Variants in USP38 observed in about 807,000 individuals in gnomAD.
The protein encoded by USP38 is ubiquitin specific peptidase 38, also known as ubiquitin carboxyl-terminal hydrolase 38.
In USP38, 49 loss-of-function variants were observed where a neutral mutation model predicts 94.3. The ratio of observed to expected loss-of-function variants is 0.52; its 90% CI spans 0.41 to 0.66. The LOEUF is 0.66. Ranked by LOEUF, USP38 falls within the 30% of genes least tolerant of loss-of-function variation. USP38 has a pLI of 0.00. For synonymous variants in USP38, 468 were observed against 463.6 expected (o/e 1.01, Z -0.12); for missense variants, 1,128 against 1,229.4 (o/e 0.92, Z 1.23).
In USP38 at chr4:143,214,913, T is replaced by G; in HGVS notation, c.2937T>G (p.Ala979=). The change falls in exon 9 of 10, where the codon GCT becomes GCG. Residue 979 remains alanine (A), a synonymous_variant. Coordinates refer to ENST00000307017, the MANE Select transcript of USP38 (RefSeq NM_032557.6). ...CTCTACAGAAAGAACTTATGGATGC[T>G]ATAACAAAAGACAATAAACTATATT... ...DPPLQKELMD[A]ITKDNKLYLQ... is the part of the protein sequence containing the mutation. 6.2e-7 allele frequency: 1 copy of G among 1,612,736 alleles called. No homozygotes were observed. The highest frequency in any genetic ancestry group is 1.1e-5 in the South Asian group (1 of 90,876).
At chr4:143,189,538 G>A (rs1731333609) in intron 2 of USP38, among the ~76,000 whole-genome samples, 1 of 151,854 alleles carries the variant, frequency 6.6e-6, no homozygotes, top group African/African-American at 2.4e-5. Context: ...CAAACTCTGG[G>A]GACTTTGATT....
intron 1 of USP38, 81 bp downstream of exon 1, chr4:143,186,213 TC>T: frequency 7.1e-7 from 1 of 1,416,218 alleles, no homozygotes; most frequent in Non-Finnish European, 9.7e-7. Flanking sequence ...CACCATGTTT[TC>T]CTCCTGCCCT....
At position 143,215,926 on chromosome 4, in the gene USP38, AT is replaced by A. The variant is rs1732172592; in HGVS notation, c.2967+985del. Among the ~76,000 whole-genome samples, 4 of 152,172 alleles carry A rather than the reference AT, an allele frequency of 2.6e-5. No homozygotes were observed. In the South Asian group the frequency reaches 8.3e-4, roughly 31 times the overall value. On this transcript the variant is annotated intron_variant, in intron 9 of 9. Coordinates refer to ENST00000307017, the MANE Select transcript of USP38 (RefSeq NM_032557.6). The stretch of plus-strand genomic sequence containing the variant: ...AAAATCAGAATATTTGTTTGAACTG[AT>A]TAACTACTGAAGACTCTAACATCTA...
chr4:143,215,266 A>C, intron 9 of USP38: 1 of 271,996 alleles, frequency 3.7e-6, no homozygotes, highest in Non-Finnish European at 7.0e-6. Flanking sequence ...AGCCTCACCC[A>C]CCAGAGGAAA....
Position 143,186,020 on chromosome 4 carries a change from A to C in USP38, c.570A>C (p.Glu190Asp). ...CCACCCAGGAAAGAGAGCTGCGGGA[A>C]TATGTCTCCCAGGTGACAAAAGTGA... The part of the protein sequence containing the change: ...CVSTQERELR[E>D]YVSQVTKVSN... The change falls in exon 1 of 10, where the codon GAA (glutamate) becomes GAC (aspartate). Residue 190 changes from glutamate (E) to aspartate (D), a missense_variant. By Grantham distance (45) the Glu-to-Asp change is conservative (BLOSUM62 2). Transcript: ENST00000307017. 6.2e-7 allele frequency: 1 copy of C among 1,614,210 alleles called. No homozygotes were observed. Among genetic ancestry groups the C allele is most frequent in the Non-Finnish European group, 8.5e-7 (1 of 1,180,042 alleles).
intron 9 of USP38, among the ~76,000 whole-genome samples, chr4:143,217,815 C>A (rs373037170): frequency 3.5e-4 from 53 of 152,270 alleles, no homozygotes; most frequent in African/African-American, 1.2e-3. Flanking sequence ...CCATTCTCTA[C>A]TCTGTGTATC....
In USP38 at chr4:143,214,846, GTAA is replaced by G. The variant is rs1560674661; in HGVS notation, c.2874_2876del (p.Asn959del). On this transcript the variant is annotated inframe_deletion, in exon 9 of 10. Transcript: ENST00000307017. ...CAGCATAGTACTAATGGTTTAAGTG[GTAA>G]TAACCCAACCAGTGGACTCTGGATA... 1.2e-6 allele frequency: 2 copies of G among 1,613,566 alleles called. No homozygotes were observed. Among genetic ancestry groups the G allele is most frequent in the East Asian group, 4.5e-5 (2 of 44,848 alleles).
chr4:143,189,822 C>T (rs182584302), intron 2 of USP38, among the ~76,000 whole-genome samples: 368 of 152,038 alleles, frequency 2.4e-3, no homozygotes, highest in Middle Eastern at 6.8e-3. Flanking sequence ...GTTTGATAAT[C>T]TGTATTTTTA....
At chr4:143,198,027 C>T (rs1035784612) in intron 4 of USP38, 103 bp downstream of exon 4, 14 of 714,634 alleles carry the variant, frequency 2.0e-5, no homozygotes, top group Admixed American at 1.8e-4. Context: ...GCAAGTTAGT[C>T]CCAAATCTGT....
intron 2 of USP38, among the ~76,000 whole-genome samples, chr4:143,189,832 A>G (rs1213971568): frequency 6.6e-6 from 1 of 151,464 alleles, no homozygotes; most frequent in African/African-American, 2.4e-5. Context: ...CTGTATTTTT[A>G]TTCTCATCTC....
In USP38 at chr4:143,185,055, TGACCCG is replaced by T. The variant is rs1187930532; in HGVS notation, c.-393_-388del. 5.4e-6 allele frequency: 1 copy of T among 184,150 alleles called. No individual in the cohort carries two copies. The highest frequency in any genetic ancestry group is 1.7e-4 in the East Asian group (1 of 5,814). 11.4% of individuals were successfully genotyped at this position (184,150 alleles called of 1,614,324 possible). ...CTGCTGGAGACTGGACGCCCACACC[TGACCCG>T]GAACTCGGAGGCGTGCTTCCTCCAC... is the stretch of plus-strand genomic sequence containing the variant. On this transcript the variant is annotated 5_prime_UTR_variant, in exon 1 of 10. Coordinates refer to ENST00000307017, the MANE Select transcript of USP38 (RefSeq NM_032557.6).
Position 143,222,835 on chromosome 4 carries a change from T to G in USP38, c.*2379T>G, listed in dbSNP as rs1732357116. On this transcript the variant is annotated 3_prime_UTR_variant, in exon 10 of 10. Coordinates refer to ENST00000307017, the MANE Select transcript of USP38 (RefSeq NM_032557.6). Reference sequence around the variant, plus strand: ...AGATCCCTGTTAATTACAGATTTATTTGTCATATTAGGTCTTTTCTTTCTC... The same window carrying G: ...AGATCCCTGTTAATTACAGATTTATGTGTCATATTAGGTCTTTTCTTTCTC... 1 of 152,108 alleles carries G rather than the reference T, an allele frequency of 6.6e-6. No individual in the cohort carries two copies. The highest frequency in any genetic ancestry group is 1.9e-4 in the East Asian group (1 of 5,190). The allele number at this position is 152,108 out of a possible 1,614,324, so 9.4% of individuals were successfully genotyped here. A position where few individuals can be genotyped will look rare whatever the true frequency, so the allele number is the denominator to read the frequency against.
chr4:143,187,778 C>T, intron 1 of USP38, 48 bp from the exon 2 acceptor site: 3 of 1,544,160 alleles, frequency 1.9e-6, no homozygotes, highest in Non-Finnish European at 2.6e-6. Flanking sequence ...TTTTTAAATA[C>T]TTGAACCTAC....
intron 4 of USP38, among the ~76,000 whole-genome samples, chr4:143,200,711 C>T (rs536855801): frequency 1.5e-4 from 23 of 152,286 alleles, no homozygotes; most frequent in African/African-American, 4.6e-4. Context: ...AAAAAAATCA[C>T]TAGCATTCCT....
chr4:143,189,590 G>A (rs1045789303), intron 2 of USP38, among the ~76,000 whole-genome samples: 9 of 151,934 alleles, frequency 5.9e-5, no homozygotes, highest in African/African-American at 2.2e-4. Context: ...GTTTAAAAAG[G>A]TCTTCCTCTT....
At position 143,185,395 on chromosome 4, in the gene USP38, G is replaced by T; in HGVS notation, c.-56G>T. 5 of 1,515,044 alleles carry T rather than the reference G, an allele frequency of 3.3e-6. No individual in the cohort carries two copies. Among genetic ancestry groups the T allele is most frequent in the Non-Finnish European group, 4.4e-6 (5 of 1,132,328 alleles). The allele number at this position is 1,515,044 out of a possible 1,614,324, so 93.9% of individuals were successfully genotyped here. ...CCCCGGGGCTCTCCTGCCCCACCTC[G>T]GGGCTGCCGCCACCCGCTCCTTATC... On this transcript the variant is annotated 5_prime_UTR_variant, in exon 1 of 10. Transcript: ENST00000307017.
In USP38 at chr4:143,185,268, C is replaced by G; in HGVS notation, c.-183C>G. The G allele has an allele frequency of 1.5e-6, 1 of 679,704 alleles. No homozygotes were observed. The highest frequency in any genetic ancestry group is 2.8e-5 in the East Asian group (1 of 35,100). The allele number at this position is 679,704 out of a possible 1,614,324, so 42.1% of individuals were successfully genotyped here. A position where few individuals can be genotyped will look rare whatever the true frequency, so the allele number is the denominator to read the frequency against. On this transcript the variant is annotated 5_prime_UTR_variant, in exon 1 of 10. Transcript: ENST00000307017. ...GGCTCTCCAGGCTCGCTAGCTCCCG[C>G]CCCGGCTTGGATGGGTCTCCCTGCG...
chr4:143,202,211 G>A (rs771206910), intron 4 of USP38, among the ~76,000 whole-genome samples: 2 of 152,108 alleles, frequency 1.3e-5, no homozygotes, highest in Non-Finnish European at 2.9e-5. Flanking sequence ...CTAGGAACTG[G>A]TAGTTTTATG....
Position 143,185,344 on chromosome 4 carries a change from G to C in USP38, c.-107G>C. 7.8e-7 allele frequency: 1 copy of C among 1,282,630 alleles called. No homozygotes were observed. The highest frequency in any genetic ancestry group is 1.5e-5 in the South Asian group (1 of 66,326). 79.5% of individuals were successfully genotyped at this position (1,282,630 alleles called of 1,614,324 possible). ...GGTGGCCGTGGCCCGTCGCGCTGCTGCTGCGGCGCTCCAAGTTCATCTCCG... is the reference window on the plus strand; with the variant it reads ...GGTGGCCGTGGCCCGTCGCGCTGCTCCTGCGGCGCTCCAAGTTCATCTCCG... On this transcript the variant is annotated 5_prime_UTR_variant, in exon 1 of 10. Transcript: ENST00000307017.
Sources: allele counts gnomAD v4.1 joint callset (sites outside exome capture counted in the v4.1 genomes callset), GRCh38; gene constraint gnomAD v4.1.1; transcripts MANE v1.5; gene names NCBI Gene and HGNC (gene_info 2026-07-23, HGNC 2026-07-21).